The following NHSL1 variants were observed in gnomAD, a reference collection of about 807,000 sequenced individuals.
NHSL1 encodes NHS like 1, also known as NHS-like protein 1.
A neutral mutation model predicts 95.0 loss-of-function variants in NHSL1; 48 were observed. The observed-to-expected ratio is 0.51, with a 90% CI of 0.40 to 0.64. The LOEUF (loss-of-function observed/expected upper bound fraction) is 0.64, where lower values mean the gene tolerates loss of function less well. Among genes scored for constraint, NHSL1 ranks in the 30% least tolerant of loss-of-function variants. The pLI is 0.00. For missense variants in NHSL1, 1,971 were observed against 2,077.7 expected (o/e 0.95, Z 1.00); for synonymous variants, 783 against 833.9 (o/e 0.94, Z 1.05).
intron 1 of NHSL1, among the ~76,000 whole-genome samples, chr6:138,504,550 G>A (rs7754416): frequency 0.19 from 29,142 of 152,116 alleles, 3,683 homozygotes; most frequent in African/African-American, 0.37. Context: ...CTGAAACTTC[G>A]GTGAAAGCTC....
intron 1 of NHSL1, among the ~76,000 whole-genome samples, chr6:138,681,064 T>TA (rs1194480376): frequency 1.3e-5 from 2 of 152,142 alleles, no homozygotes; most frequent in East Asian, 3.8e-4. Context: ...AAGACTTCCC[T>TA]AACAACAACG....
chr6:138,556,610 A>G (rs1250329453), intron 1 of NHSL1, among the ~76,000 whole-genome samples: 12 of 150,918 alleles, frequency 8.0e-5, no homozygotes, highest in Admixed American at 7.3e-4. Context: ...TTCAACACAA[A>G]CTAGTAAAAA....
In NHSL1 at chr6:138,433,544, C is replaced by T. The variant is rs1443746313; in HGVS notation, c.801G>A (p.Glu267=). The change falls in exon 6 of 8, where the codon GAG becomes GAA. Residue 267 remains glutamate, a synonymous_variant. Coordinates refer to ENST00000343505, the MANE Select transcript of NHSL1 (RefSeq NM_001144060.2). The part of the protein sequence containing the change: ...SETRDSSCQT[E]DVKVVPPSMR... ...TGGAAGGTGGTACGACCTTCACATC[C>T]TCCGTCTGACAGCTGGAGTCCCTGG... 14 of 1,551,986 alleles carry T rather than the reference C, an allele frequency of 9.0e-6. No individual in the cohort carries two copies. In the South Asian group the frequency reaches 1.1e-4, roughly 12 times the overall value.
At chr6:138,549,414 A>T (rs1782921580), upstream of NHSL1, among the ~76,000 whole-genome samples, 1 of 152,172 alleles carries the variant, frequency 6.6e-6, no homozygotes, top group Non-Finnish European at 1.5e-5. Flanking sequence ...AAAAGGATAC[A>T]GAGACACAGT....
intron 1 of NHSL1, among the ~76,000 whole-genome samples, chr6:138,587,248 C>T (rs942183329): frequency 6.6e-6 from 1 of 151,008 alleles, no homozygotes; most frequent in Non-Finnish European, 1.5e-5. Flanking sequence ...GTTGGGATTA[C>T]AGGCGTGAGC....
chr6:138,572,650 C>A (rs907748572), upstream of NHSL1: 3 of 152,266 alleles, frequency 2.0e-5, no homozygotes, highest in Non-Finnish European at 4.4e-5. Context: ...ACACCAAAGG[C>A]ACCTCATTGG....
intron 1 of NHSL1, among the ~76,000 whole-genome samples, chr6:138,551,742 T>A (rs893605572): frequency 1.3e-5 from 2 of 152,174 alleles, no homozygotes; most frequent in African/African-American, 4.8e-5. Context: ...GGGAAACTGA[T>A]TTAAAACCAG....
In NHSL1 at chr6:138,677,635, T is replaced by G. The variant is rs1287263989; in HGVS notation, c.96+14841A>C. Reference sequence around the variant, plus strand: ...AAAGAACCCTCTGGAAATTTAGTGTTGGCAGCTCCAATCACTGCCCCAAGC... The same window carrying G: ...AAAGAACCCTCTGGAAATTTAGTGTGGGCAGCTCCAATCACTGCCCCAAGC... On this transcript the variant is annotated intron_variant, in intron 1 of 3. Coordinates refer to the NHSL1 transcript ENST00000491526. Among the ~76,000 whole-genome samples the G allele has an allele frequency of 2.0e-5, 3 of 152,318 alleles. No homozygotes were observed. In the East Asian group the frequency reaches 5.8e-4, roughly 29 times the overall value.
At chr6:138,534,674 A>C (rs778896797) in intron 1 of NHSL1, among the ~76,000 whole-genome samples, 55 of 152,208 alleles carry the variant, frequency 3.6e-4, no homozygotes, top group Admixed American at 5.9e-4. Context: ...CAAAATTCCA[A>C]CAGAAACTCT....
intron 1 of NHSL1, among the ~76,000 whole-genome samples, chr6:138,673,702 G>C (rs1785411261): frequency 6.6e-6 from 1 of 152,154 alleles, no homozygotes; most frequent in Non-Finnish European, 1.5e-5. Context: ...GTTAAGACAT[G>C]GCCACTTGGG....
chr6:138,461,756 TGTG>T lies in NHSL1; in HGVS notation c.339+11547_339+11549del, dbSNP rs1778011256. Reference sequence around the variant, plus strand: ...TTAATTATAAAGTTGAACTGAACAATGTGGTAGAAATTTGAGGGGGATGAAAGG... The same window carrying T: ...TTAATTATAAAGTTGAACTGAACAATGTAGAAATTTGAGGGGGATGAAAGG... On this transcript the variant is annotated intron_variant, in intron 3 of 7. Transcript: ENST00000343505. Among the ~76,000 whole-genome samples, 8 of 152,284 alleles carry T rather than the reference TGTG, an allele frequency of 5.3e-5. No homozygotes were observed. The South Asian group carries it at 1.5e-3, about 28-fold the overall frequency.
chr6:138,585,349 C>T (rs904027272), intron 1 of NHSL1, among the ~76,000 whole-genome samples: 2 of 152,110 alleles, frequency 1.3e-5, no homozygotes, highest in Admixed American at 6.6e-5. Flanking sequence ...TGTAATAATA[C>T]GATTCTAAAA....
chr6:138,430,686 A>T lies in NHSL1; in HGVS notation c.3659T>A (p.Val1220Glu), dbSNP rs1443588202. The T allele has an allele frequency of 6.4e-7, 1 of 1,551,594 alleles. No individual in the cohort carries two copies. The highest frequency in any genetic ancestry group is 8.7e-7 in the Non-Finnish European group (1 of 1,146,980). Residue 1220 changes from valine to glutamate, a missense_variant, in exon 6 of 8, where the codon GTG (valine) becomes GAG (glutamate). Transcript: ENST00000343505. The surrounding 1 kb of genome is among the most constrained non-coding windows in gnomAD (Gnocchi z 4.7). ...GGGCACAGCTCGGAGGGCTTCGCTCACGTTCTCTGCGGGCTCCACTGCAAA... is the reference window on the plus strand; with the variant it reads ...GGGCACAGCTCGGAGGGCTTCGCTCTCGTTCTCTGCGGGCTCCACTGCAAA... The part of the protein sequence containing the change: ...KDFAVEPAEN[V>E]SEALRAVPSP...
chr6:138,644,121 A>G (rs1481492485), intron 1 of NHSL1, among the ~76,000 whole-genome samples: 3 of 152,188 alleles, frequency 2.0e-5, no homozygotes, highest in African/African-American at 4.8e-5. Context: ...TCAAATTTAT[A>G]CAATTAGTCA....
chr6:138,453,725 T>C (rs1777394005), intron 3 of NHSL1, among the ~76,000 whole-genome samples: 1 of 151,718 alleles, frequency 6.6e-6, no homozygotes, highest in African/African-American at 2.4e-5. Context: ...TTTTGAAAAC[T>C]TTCTGTAGAG....
chr6:138,610,339 A>T (rs1399960416), intron 1 of NHSL1, among the ~76,000 whole-genome samples: 1 of 152,024 alleles, frequency 6.6e-6, no homozygotes, highest in African/African-American at 2.4e-5. Flanking sequence ...GAATTGAACA[A>T]TGAGAACACT....
At chr6:138,616,688 C>T (rs989027501) in intron 1 of NHSL1, among the ~76,000 whole-genome samples, 2 of 152,160 alleles carry the variant, frequency 1.3e-5, no homozygotes, top group Non-Finnish European at 2.9e-5. Flanking sequence ...CACCTGACAA[C>T]ACCTGAACCC....
intron 1 of NHSL1, among the ~76,000 whole-genome samples, chr6:138,624,501 C>A (rs368401417): frequency 6.6e-6 from 1 of 151,956 alleles, no homozygotes; most frequent in Admixed American, 6.6e-5. Context: ...AATTCATTCA[C>A]GTATACACAC....
At chr6:138,666,081 A>G (rs1359194623) in intron 1 of NHSL1, among the ~76,000 whole-genome samples, 1 of 151,500 alleles carries the variant, frequency 6.6e-6, no homozygotes, top group African/African-American at 2.4e-5. Context: ...AGGCGGGCGG[A>G]TCACCTGAAG....
Sources: gnomAD v4.1 joint callset for allele counts (sites outside exome capture counted in the v4.1 genomes callset) on GRCh38, gnomAD v4.1.1 for gene constraint, Gnocchi (gnomAD v3.1) non-coding constraint, MANE v1.5 for transcripts, NCBI Gene and HGNC (gene_info 2026-07-23, HGNC 2026-07-21) for gene names.